Variants in CD44 observed in about 807,000 individuals in gnomAD.
The protein encoded by CD44 is CD44 antigen.
CD44 carries 49 observed loss-of-function variants against 88.8 expected under a neutral mutation model. The ratio of observed to expected loss-of-function variants is 0.55; its 90% CI spans 0.44 to 0.70. The LOEUF (loss-of-function observed/expected upper bound fraction) is 0.70, where lower values mean the gene tolerates loss of function less well. Ranked by LOEUF, CD44 falls within the 30% of genes least tolerant of loss-of-function variation. The pLI is 0.00. For missense variants in CD44, 883 were observed against 913.8 expected, an observed-to-expected ratio of 0.97 and a Z score of 0.43; for synonymous variants, 325 against 312.3, an observed-to-expected ratio of 1.04 and a Z score of -0.43.
chr11:35,182,676 G>A (rs1290942071), intron 3 of CD44, among the ~76,000 whole-genome samples: 2 of 152,178 alleles, frequency 1.3e-5, no homozygotes, highest in African/African-American at 4.8e-5. Flanking sequence ...CAGTGCAACA[G>A]GTCAGAGGGA....
In CD44 at chr11:35,154,788, C is replaced by T. The variant is rs556460829; in HGVS notation, c.67+15418C>T. Among the ~76,000 whole-genome samples, 158 of 152,212 alleles carry T rather than the reference C, an allele frequency of 1.0e-3. 1 individual carries two copies. The highest frequency in any genetic ancestry group is 1.9e-3 in the Non-Finnish European group (127 of 68,004). ...ATCTGTTGTGTATATTTTGGTATATCCCTATCTGTACATACCAGCTGAATA... is the reference window on the plus strand; with the variant it reads ...ATCTGTTGTGTATATTTTGGTATATTCCTATCTGTACATACCAGCTGAATA... On this transcript the variant is annotated intron_variant, in intron 1 of 17. Transcript: ENST00000428726.
At chr11:35,183,097 T>G (rs1565084378) in intron 3 of CD44, among the ~76,000 whole-genome samples, 1 of 152,206 alleles carries the variant, frequency 6.6e-6, no homozygotes, top group Admixed American at 6.5e-5. Flanking sequence ...GGGGGTATGT[T>G]CCTTACTAAA....
chr11:35,160,518 C>T (rs796428653), intron 1 of CD44, among the ~76,000 whole-genome samples: 32 of 152,260 alleles, frequency 2.1e-4, no homozygotes, highest in African/African-American at 5.1e-4. Flanking sequence ...GAGAGTCACA[C>T]GGATTCCTTG....
At chr11:35,167,868 A>G (rs922004710) in intron 1 of CD44, among the ~76,000 whole-genome samples, 1 of 152,196 alleles carries the variant, frequency 6.6e-6, no homozygotes, top group Non-Finnish European at 1.5e-5. Flanking sequence ...AATTGTAGAG[A>G]GAGCATTCAG....
intron 11 of CD44, 52 bp downstream of exon 11, chr11:35,206,295 G>C: frequency 6.6e-7 from 1 of 1,521,022 alleles, no homozygotes; most frequent in Non-Finnish European, 8.9e-7. Flanking sequence ...TCCACTGAGT[G>C]ACTGCTGACT....
rs1296723930 is a variant in CD44 at position 35,223,076 on chromosome 11, C to G, written c.2024+1344C>G. On this transcript the variant is annotated intron_variant, in intron 17 of 17. Coordinates refer to ENST00000428726, the MANE Select transcript of CD44 (RefSeq NM_000610.4). ...ATAAAAGTGCCATGTTACAGTCAAA[C>G]AGCTATGTTGCTATCTATACCATTG... 3 of 985,014 alleles carry G rather than the reference C, an allele frequency of 3.0e-6. No individual in the cohort carries two copies. The African/African-American group carries it at 5.2e-5, about 17-fold the overall frequency. The allele number at this position is 985,014 out of a possible 1,614,324, so 61.0% of individuals were successfully genotyped here.
At chr11:35,161,667 G>T (rs1458691856) in intron 1 of CD44, among the ~76,000 whole-genome samples, 1 of 152,170 alleles carries the variant, frequency 6.6e-6, no homozygotes, top group Non-Finnish European at 1.5e-5. Flanking sequence ...CCCAGCTTGT[G>T]ACCCAAATGG....
chr11:35,183,960 C>A (rs1304516606), intron 3 of CD44, among the ~76,000 whole-genome samples: 4 of 152,038 alleles, frequency 2.6e-5, no homozygotes, highest in Admixed American at 2.6e-4. Flanking sequence ...ATCTGGCAAC[C>A]AGAGATTAGT....
chr11:35,190,912 G>A (rs1946204863), intron 5 of CD44, among the ~76,000 whole-genome samples: 2 of 152,120 alleles, frequency 1.3e-5, no homozygotes, highest in South Asian at 4.1e-4. Context: ...CATTCCTTTG[G>A]AGTTTGCCCC....
At chr11:35,153,980 G>A (rs1324573041) in intron 1 of CD44, among the ~76,000 whole-genome samples, 1 of 152,194 alleles carries the variant, frequency 6.6e-6, no homozygotes, top group African/African-American at 2.4e-5. Context: ...GGTTTATCAT[G>A]TCTGCCCTGT....
chr11:35,181,920 A>T (rs1217535486), intron 3 of CD44, among the ~76,000 whole-genome samples: 807 of 56,538 alleles, frequency 0.014, 37 homozygotes, highest in African/African-American at 0.069. Context: ...TATATTATAT[A>T]TTATATTATA....
At chr11:35,205,791 G>A (rs1947772497) in intron 10 of CD44, 6 of 1,009,420 alleles carry the variant, frequency 5.9e-6, no homozygotes, top group Admixed American at 1.2e-4. Context: ...TTAGGGGACT[G>A]TGGCAGCATG....
intron 1 of CD44, among the ~76,000 whole-genome samples, chr11:35,145,509 C>T (rs1267167950): frequency 3.3e-5 from 5 of 151,958 alleles, no homozygotes; most frequent in Admixed American, 3.3e-4. Context: ...TTGGTGGCTG[C>T]CTGCTGTGAC....
chr11:35,156,735 T>C (rs992227478), intron 1 of CD44, among the ~76,000 whole-genome samples: 2 of 152,244 alleles, frequency 1.3e-5, no homozygotes, highest in Non-Finnish European at 2.9e-5. Flanking sequence ...TCATGCTGTG[T>C]TGTCAACTTG....
chr11:35,158,893 C>T (rs1268903601), intron 1 of CD44, among the ~76,000 whole-genome samples: 1 of 152,204 alleles, frequency 6.6e-6, no homozygotes, highest in African/African-American at 2.4e-5. Flanking sequence ...TTTACTTGCA[C>T]AATTACAGTC....
At position 35,158,128 on chromosome 11, in the gene CD44, A is replaced by G. The variant is rs150463722; in HGVS notation, c.68-18447A>G. On this transcript the variant is annotated intron_variant, in intron 1 of 17. Coordinates refer to ENST00000428726, the MANE Select transcript of CD44 (RefSeq NM_000610.4). ...CGTTGTTAAAAACTCTGGAAAACTC[A>G]TCTGGTTTCTTCTCCAAAAGTAGCT... 6.6e-4 allele frequency among the ~76,000 whole-genome samples: 100 copies of G among 152,320 alleles called. 1 individual carries two copies. Among genetic ancestry groups the G allele is most frequent in the Admixed American group, 2.9e-3 (44 of 15,296 alleles).
In CD44 at chr11:35,189,270, G is replaced by T. The variant is rs529804511; in HGVS notation, c.437-565G>T. Among the ~76,000 whole-genome samples the T allele has an allele frequency of 3.4e-4, 52 of 152,264 alleles. No individual in the cohort carries two copies. In the Middle Eastern group the frequency reaches 0.01, roughly 30 times the overall value. On this transcript the variant is annotated intron_variant, in intron 4 of 17. Transcript: ENST00000428726. ...CTGCTGGTTTCCTAGCCAGAAGTGG[G>T]TGTTTGCACAAGTGGACAAAACTTG...
chr11:35,217,107 A>G (rs996224871), intron 15 of CD44, among the ~76,000 whole-genome samples: 3 of 147,038 alleles, frequency 2.0e-5, no homozygotes, highest in African/African-American at 7.3e-5. Flanking sequence ...AAGACCTGCT[A>G]TCTCACATCC....
At chr11:35,179,801 C>T (rs1014410725) in intron 2 of CD44, among the ~76,000 whole-genome samples, 3 of 152,130 alleles carry the variant, frequency 2.0e-5, no homozygotes, top group Non-Finnish European at 2.9e-5. Flanking sequence ...GGGAATGGGA[C>T]ATGAGGCAGG....
Sources: gnomAD v4.1 joint callset for allele counts (sites outside exome capture counted in the v4.1 genomes callset) on GRCh38, gnomAD v4.1.1 for gene constraint, MANE v1.5 for transcripts, NCBI Gene and HGNC (gene_info 2026-07-23, HGNC 2026-07-21) for gene names.